The following NCBP1 variants were observed in gnomAD, a reference collection of about 807,000 sequenced individuals.
NCBP1 encodes the protein nuclear cap binding protein subunit 1.
NCBP1 carries 16 observed loss-of-function variants against 111.7 expected under a neutral mutation model. The observed-to-expected ratio is 0.14, with a 90% CI of 0.10 to 0.22. The LOEUF is 0.22. Ranked by LOEUF, NCBP1 falls within the 10% of genes least tolerant of loss-of-function variation. The pLI, the probability that NCBP1 is intolerant of heterozygous loss-of-function variation, is 1.00. For missense variants in NCBP1, 607 were observed against 957.5 expected, an observed-to-expected ratio of 0.63 and a Z score of 4.83; for synonymous variants, 304 against 314.3, an observed-to-expected ratio of 0.97 and a Z score of 0.35.
rs140168536 is a variant in NCBP1 at position 97,645,652 on chromosome 9, G to A, written c.531G>A (p.Leu177=). The A allele has an allele frequency of 2.4e-4, 384 of 1,614,012 alleles. 2 individuals carry two copies. The African/African-American group carries it at 4.3e-3, about 18-fold the overall frequency. ...ATGTGTATGCATTTCTGTCATCTTT[G>A]CCCTGGGTTGGAAAGGAGTTGTACG... ...DWYVYAFLSS[L]PWVGKELYEK... The change falls in exon 6 of 23, where the codon TTG becomes TTA. Residue 177 remains leucine, a synonymous_variant. Coordinates refer to ENST00000375147, the MANE Select transcript of NCBP1 (RefSeq NM_002486.5).
chr9:97,635,132 A>G (rs1235820410), intron 1 of NCBP1, among the ~76,000 whole-genome samples: 1 of 152,178 alleles, frequency 6.6e-6, no homozygotes, highest in East Asian at 1.9e-4. Flanking sequence ...GCAGAATCGC[A>G]TGCATTTAGT....
rs201813966 is a variant in NCBP1, at chr9:97,646,867, C to CGT, written c.612-614_612-613dup. On this transcript the variant is annotated intron_variant, in intron 6 of 22. Coordinates refer to ENST00000375147, the MANE Select transcript of NCBP1 (RefSeq NM_002486.5). Reference sequence around the variant, plus strand: ...AAAAAAAAAAAAAAAAAAAAAGAATCGTGTGTGTGTGTATACATATCCTTT... The same window carrying CGT: ...AAAAAAAAAAAAAAAAAAAAAGAATCGTGTGTGTGTGTGTATACATATCCTTT... Among the ~76,000 whole-genome samples the CGT allele has an allele frequency of 7.7e-3, 1,102 of 143,454 alleles. 2 individuals are homozygous for CGT. Among genetic ancestry groups the CGT allele is most frequent in the Non-Finnish European group, 0.013 (853 of 66,032 alleles). The allele number at this position is 143,454 out of a possible 152,430, so 94.1% of individuals were successfully genotyped here.
At chr9:97,652,654 A>G (rs1344215703) in intron 10 of NCBP1, among the ~76,000 whole-genome samples, 1 of 152,186 alleles carries the variant, frequency 6.6e-6, no homozygotes, top group Non-Finnish European at 1.5e-5. Flanking sequence ...AAGAGACAGC[A>G]TAGGATGTAT....
intron 3 of NCBP1, 26 bp downstream of exon 3, chr9:97,641,688 C>T (rs777413748): frequency 1.3e-6 from 2 of 1,577,046 alleles, no homozygotes; most frequent in South Asian, 2.3e-5. Flanking sequence ...ATTTATGAAT[C>T]CAGGTGATAA....
At chr9:97,637,823 T>G (rs902034095) in intron 1 of NCBP1, among the ~76,000 whole-genome samples, 2 of 152,198 alleles carry the variant, frequency 1.3e-5, no homozygotes, top group African/African-American at 4.8e-5. Flanking sequence ...TAAAATTTCT[T>G]GTAAGGCTAT....
intron 22 of NCBP1, 170 bp downstream of exon 22, chr9:97,669,876 G>A (rs1828128367): frequency 1.5e-6 from 1 of 687,756 alleles, no homozygotes; most frequent in African/African-American, 1.8e-5. Context: ...GGCTTAAACT[G>A]ATTCTGTACC....
At chr9:97,668,624 C>A (rs1828082623) in intron 20 of NCBP1, among the ~76,000 whole-genome samples, 2 of 152,152 alleles carry the variant, frequency 1.3e-5, no homozygotes, top group East Asian at 3.9e-4. Flanking sequence ...ATTTCCCTGG[C>A]CTAGATAAGA....
intron 4 of NCBP1, 95 bp from the exon 5 acceptor site, chr9:97,645,022 T>G (rs1234877504): frequency 3.3e-6 from 3 of 910,970 alleles, no homozygotes; most frequent in African/African-American, 1.7e-5. Flanking sequence ...GCTATAGTTT[T>G]TTAGACCAAT....
chr9:97,661,904 T>C, intron 16 of NCBP1, 138 bp from the exon 17 acceptor site: 1 of 504,860 alleles, frequency 2.0e-6, no homozygotes, highest in Middle Eastern at 5.1e-4. Flanking sequence ...GACGGTCTTT[T>C]ATTGTTTATT....
rs768012146 is a variant in NCBP1 at position 97,654,860 on chromosome 9, T to G, written c.1171-20T>G. 6.2e-7 allele frequency: 1 copy of G among 1,611,550 alleles called. No individual in the cohort carries two copies. The highest frequency in any genetic ancestry group is 1.1e-5 in the South Asian group (1 of 90,912). ...TTGGGATAAAAGTGGAGAATAGTTTTCCTTATCCTAAATTCACAGCTTGCA... is the reference window on the plus strand; with the variant it reads ...TTGGGATAAAAGTGGAGAATAGTTTGCCTTATCCTAAATTCACAGCTTGCA... On this transcript the variant is annotated intron_variant, in intron 11 of 22. Coordinates refer to ENST00000375147, the MANE Select transcript of NCBP1 (RefSeq NM_002486.5).
rs950491863 is a variant in NCBP1, at chr9:97,659,673, A to T, written c.1477+930A>T. On this transcript the variant is annotated intron_variant, in intron 15 of 22. Transcript: ENST00000375147. Reference sequence around the variant, plus strand: ...TAGCCACTGTGCTTTTTGGCAGATCAAAGGTTTATGCAGTACTTAGAAGTG... The same window carrying T: ...TAGCCACTGTGCTTTTTGGCAGATCTAAGGTTTATGCAGTACTTAGAAGTG... Among the ~76,000 whole-genome samples the T allele has an allele frequency of 3.9e-5, 6 of 152,202 alleles. 1 individual carries two copies. Among genetic ancestry groups the T allele is most frequent in the Admixed American group, 3.9e-4 (6 of 15,284 alleles).
Position 97,666,898 on chromosome 9 carries a change from TAAGTAGTTAAAGAAA to T in NCBP1, c.2016+23_2016+37del, listed in dbSNP as rs778679979. The T allele has an allele frequency of 2.0e-6, 3 of 1,475,670 alleles. No individual in the cohort carries two copies. The African/African-American group carries it at 4.3e-5, about 21-fold the overall frequency. 91.4% of individuals were successfully genotyped at this position (1,475,670 alleles called of 1,614,324 possible). On this transcript the variant is annotated intron_variant, in intron 20 of 22. Transcript: ENST00000375147. ...AACGGGTAAGTTTTGTGTAAACTTGTAAGTAGTTAAAGAAAATATACCAGAAACTCTGGAGAGGAT... is the reference window on the plus strand; with the variant it reads ...AACGGGTAAGTTTTGTGTAAACTTGTATATACCAGAAACTCTGGAGAGGAT...
chr9:97,645,688 T>C lies in NCBP1; in HGVS notation c.567T>C (p.Asp189=). 6.2e-7 allele frequency: 1 copy of C among 1,614,110 alleles called. No individual in the cohort carries two copies. The highest frequency in any genetic ancestry group is 8.5e-7 in the Non-Finnish European group (1 of 1,179,966). ...GAAAGGAGTTGTACGAAAAGAAAGA[T>C]GCAGAGATGGACCGCATCTTTGCCA... ...WVGKELYEKK[D]AEMDRIFANT... The change falls in exon 6 of 23, where the codon GAT becomes GAC. Residue 189 remains aspartate (D), a synonymous_variant. Transcript: ENST00000375147.
chr9:97,667,412 GA>G (rs1828040961), intron 20 of NCBP1, among the ~76,000 whole-genome samples: 1 of 152,090 alleles, frequency 6.6e-6, no homozygotes, highest in Non-Finnish European at 1.5e-5. Flanking sequence ...TACCATAGTA[GA>G]AGGTGAAAAA....
In NCBP1 at chr9:97,655,699, T is replaced by A; in HGVS notation, c.1236-3T>A. 6.2e-7 allele frequency: 1 copy of A among 1,609,392 alleles called. No individual in the cohort carries two copies. ...TCTGCCTACCTCCCCCTTCTCTACGTAGGTTTATTAATTGGTTTTCTCATC... is the reference window on the plus strand; with the variant it reads ...TCTGCCTACCTCCCCCTTCTCTACGAAGGTTTATTAATTGGTTTTCTCATC... On this transcript the variant is annotated splice_polypyrimidine_tract_variant and splice_region_variant and intron_variant, in intron 12 of 22. Coordinates refer to ENST00000375147, the MANE Select transcript of NCBP1 (RefSeq NM_002486.5).
chr9:97,639,366 C>T (rs773404385), intron 1 of NCBP1, among the ~76,000 whole-genome samples: 3 of 152,140 alleles, frequency 2.0e-5, no homozygotes, highest in Non-Finnish European at 4.4e-5. Context: ...AAGATCATTT[C>T]AGTCATTCAA....
rs1827312703 is a variant in NCBP1, at chr9:97,645,677, G to A, written c.556G>A (p.Glu186Lys). Residue 186 changes from glutamate (E) to lysine (K), a missense_variant, in exon 6 of 23, where the codon GAA becomes AAA. Around this residue, in one of 9 missense-constraint regions of NCBP1, gnomAD observed 185 missense variants for 272.0 expected, o/e 0.68. Transcript: ENST00000375147. ...SLPWVGKELY[E>K]KKDAEMDRIF... Reference sequence around the variant, plus strand: ...GCCCTGGGTTGGAAAGGAGTTGTACGAAAAGAAAGATGCAGAGATGGACCG... The same window carrying A: ...GCCCTGGGTTGGAAAGGAGTTGTACAAAAAGAAAGATGCAGAGATGGACCG... 6.2e-7 allele frequency: 1 copy of A among 1,614,012 alleles called. No homozygotes were observed. The highest frequency in any genetic ancestry group is 1.1e-5 in the South Asian group (1 of 91,066).
chr9:97,641,528 A>C (rs376141802), intron 2 of NCBP1, 34 bp from the exon 3 acceptor site: 2 of 1,516,414 alleles, frequency 1.3e-6, no homozygotes, highest in Non-Finnish European at 1.8e-6. Context: ...GTTGCTGAGT[A>C]CTTGACAGAT....
chr9:97,664,659 G>A (rs1042037544), intron 19 of NCBP1, among the ~76,000 whole-genome samples: 1 of 152,168 alleles, frequency 6.6e-6, no homozygotes, highest in Non-Finnish European at 1.5e-5. Context: ...CTCTTAAGTT[G>A]AATCAAGGCT....
Sources: allele counts gnomAD v4.1 joint callset (sites outside exome capture counted in the v4.1 genomes callset), GRCh38; gene constraint gnomAD v4.1.1; regional missense constraint gnomAD v4.1.1; transcripts MANE v1.5; gene names NCBI Gene and HGNC (gene_info 2026-07-23, HGNC 2026-07-21).